The following C4BPB variants were observed in gnomAD, a reference collection of about 807,000 sequenced individuals.
C4BPB encodes the protein complement component 4 binding protein beta.
Under a neutral mutation model 26.6 loss-of-function variants are expected in C4BPB, and 19 were observed. The observed-to-expected ratio is 0.71, with a 90% CI of 0.50 to 1.05. The LOEUF (loss-of-function observed/expected upper bound fraction) is 1.05. C4BPB is among the 50% of genes least tolerant of loss of function. The pLI is 0.00. For missense variants in C4BPB, 282 were observed against 302.9 expected (o/e 0.93, Z 0.51); for synonymous variants, 118 against 103.5 (o/e 1.14, Z -0.85).
chr1:207,099,791 T>C lies in C4BPB; in HGVS notation c.621T>C (p.Leu207=). The C allele has an allele frequency of 6.2e-7, 1 of 1,608,432 alleles. No individual in the cohort carries two copies. Among genetic ancestry groups the C allele is most frequent in the South Asian group, 1.1e-5 (1 of 89,740 alleles). The part of the protein sequence containing the change: ...APKPECEKAL[L]AFQESKNLCE... ...TGTGAAAAATTTTCTTTCTTCAGCT[T>C]GCCTTTCAGGAGAGTAAGAACCTCT... Residue 207 remains leucine (L), a splice_region_variant and synonymous_variant, in exon 7 of 7, where the codon CTT becomes CTC. Transcript: ENST00000367078.
intron 2 of C4BPB, among the ~76,000 whole-genome samples, chr1:207,089,990 G>T (rs149066211): frequency 2.9e-3 from 443 of 152,286 alleles, no homozygotes; most frequent in African/African-American, 9.8e-3. Context: ...TCGGAATTCC[G>T]GCCGGGCGCA....
At chr1:207,095,871 C>G (rs1352149958) in intron 4 of C4BPB, 4 of 182,530 alleles carry the variant, frequency 2.2e-5, no homozygotes, top group Admixed American at 5.4e-5. Context: ...CTCTCTCGTT[C>G]CTGCACCTGT....
intron 5 of C4BPB, 95 bp from the exon 6 acceptor site, chr1:207,098,055 C>A: frequency 1.1e-6 from 1 of 919,784 alleles, no homozygotes; most frequent in South Asian, 1.5e-5. Context: ...GATTCCATCA[C>A]AGCATGAAAT....
intron 4 of C4BPB, chr1:207,095,031 T>C (rs929494746): frequency 3.8e-6 from 1 of 260,590 alleles, no homozygotes; most frequent in Non-Finnish European, 7.5e-6. Flanking sequence ...TACTCAACCA[T>C]TTGTTTAGAA....
At position 207,089,464 on chromosome 1, in the gene C4BPB, TA is replaced by T; in HGVS notation, c.-50-17del. 7.1e-7 allele frequency: 1 copy of T among 1,404,876 alleles called. No homozygotes were observed. The highest frequency in any genetic ancestry group is 1.0e-6 in the Non-Finnish European group (1 of 989,590). 87.0% of individuals were successfully genotyped at this position (1,404,876 alleles called of 1,614,324 possible). A position where few individuals can be genotyped will look rare whatever the true frequency, so the allele number is the denominator to read the frequency against. ...TGGTCTTAAGCAGTGTTAGAAGATC[TA>T]TTTTTTTTCAAACCAGGTGTCTGAG... On this transcript the variant is annotated splice_polypyrimidine_tract_variant and intron_variant, in intron 1 of 6. Coordinates refer to ENST00000367078, the MANE Select transcript of C4BPB (RefSeq NM_001017365.3).
Position 207,099,915 on chromosome 1 carries a change from G to C in C4BPB, c.745G>C (p.Ala249Pro), listed in dbSNP as rs781647739. The C allele has an allele frequency of 2.5e-6, 4 of 1,612,496 alleles. No individual in the cohort carries two copies. The African/African-American group carries it at 5.3e-5, about 22-fold the overall frequency. Residue 249 changes from alanine (A) to proline (P), a missense_variant, in exon 7 of 7, where the codon GCA becomes CCA. Coordinates refer to ENST00000367078, the MANE Select transcript of C4BPB (RefSeq NM_001017365.3). ...SLELKKAELK[A>P]KLL ...GGAGCTGAAGAAAGCTGAGTTGAAG[G>C]CAAAATTGTTGTAACACTACAGCTG...
intron 1 of C4BPB, 145 bp from the exon 2 acceptor site, chr1:207,089,337 C>T (rs1683926313): frequency 1.8e-6 from 1 of 551,968 alleles, no homozygotes; most frequent in African/African-American, 1.9e-5. Context: ...TACCAGCTTC[C>T]TTACAGCTGT....
Position 207,089,526 on chromosome 1 carries a change from C to A in C4BPB, c.-6C>A, listed in dbSNP as rs759321706. The A allele has an allele frequency of 2.5e-6, 4 of 1,613,734 alleles. No homozygotes were observed. The highest frequency in any genetic ancestry group is 8.5e-7 in the Non-Finnish European group (1 of 1,179,864). On this transcript the variant is annotated 5_prime_UTR_variant, in exon 2 of 7. Transcript: ENST00000367078. Reference sequence around the variant, plus strand: ...TCCAGCCTGGGGAGAGGACTTTGATCACCAGATGTTTTTTTGGTGTGCGTG... The same window carrying A: ...TCCAGCCTGGGGAGAGGACTTTGATAACCAGATGTTTTTTTGGTGTGCGTG...
Position 207,098,265 on chromosome 1 carries a change from G to C in C4BPB, c.618+1G>C, listed in dbSNP as rs778349715. On this transcript the variant is annotated splice_donor_variant, in intron 6 of 6. Transcript: ENST00000367078. LOFTEE classifies it high-confidence loss of function. ...CAAACCAGAGTGTGAGAAGGCACTT[G>C]TAAGTAGGAGGCTCATATCTGTCTT... 1.2e-5 allele frequency: 19 copies of C among 1,548,514 alleles called. No individual in the cohort carries two copies. The South Asian group carries it at 2.1e-4, about 17-fold the overall frequency.
chr1:207,098,739 C>A (rs544204512), intron 6 of C4BPB, among the ~76,000 whole-genome samples: 1 of 152,300 alleles, frequency 6.6e-6, no homozygotes, highest in Admixed American at 6.5e-5. Flanking sequence ...GAGCCCTGAG[C>A]TTGTTTTCCT....
chr1:207,096,755 C>T, intron 5 of C4BPB, 140 bp downstream of exon 5: 1 of 604,354 alleles, frequency 1.7e-6, no homozygotes, highest in Non-Finnish European at 2.9e-6. Context: ...TTGAGAGCTG[C>T]TTTGGCCCTC....
Position 207,089,484 on chromosome 1 carries a change from G to T in C4BPB, c.-48G>T, listed in dbSNP as rs778923199. On this transcript the variant is annotated splice_region_variant and 5_prime_UTR_variant, in exon 2 of 7. Transcript: ENST00000367078. ...AGATCTATTTTTTTTCAAACCAGGT[G>T]TCTGAGCTGGGTGAATTCCAGCCTG... 3.2e-6 allele frequency: 5 copies of T among 1,569,352 alleles called. No homozygotes were observed. In the South Asian group the frequency reaches 3.3e-5, roughly 10 times the overall value.
intron 5 of C4BPB, 108 bp downstream of exon 5, chr1:207,096,723 G>A (rs903384780): frequency 3.0e-6 from 2 of 659,968 alleles, no homozygotes; most frequent in Non-Finnish European, 5.3e-6. Context: ...TACTGCTGCA[G>A]GATTCTAAGC....
intron 4 of C4BPB, among the ~76,000 whole-genome samples, chr1:207,092,905 G>A (rs1684094662): frequency 1.3e-5 from 2 of 152,026 alleles, no homozygotes; most frequent in Admixed American, 6.6e-5. Flanking sequence ...GATTACAGGC[G>A]TGAGCCACCG....
chr1:207,098,289 T>C, intron 6 of C4BPB, 25 bp downstream of exon 6: 1 of 1,371,346 alleles, frequency 7.3e-7, no homozygotes, highest in Non-Finnish European at 1.0e-6. Flanking sequence ...CATATCTGTC[T>C]TGTTCACAGC....
At position 207,091,529 on chromosome 1, in the gene C4BPB, T is replaced by C. The variant is rs998291957; in HGVS notation, c.233-115T>C. The C allele has an allele frequency of 5.5e-6, 4 of 724,628 alleles. No homozygotes were observed. In the African/African-American group the frequency reaches 7.0e-5, roughly 13 times the overall value. 44.9% of individuals were successfully genotyped at this position (724,628 alleles called of 1,614,324 possible). ...ACCATGTACTTCACTCAATTAAAAA[T>C]GTGCAGTATTAACTCTAATTTGCTG... On this transcript the variant is annotated intron_variant, in intron 3 of 6. Coordinates refer to ENST00000367078, the MANE Select transcript of C4BPB (RefSeq NM_001017365.3).
At chr1:207,092,017 C>A in intron 4 of C4BPB, 197 bp downstream of exon 4, 1 of 528,888 alleles carries the variant, frequency 1.9e-6, no homozygotes, top group Non-Finnish European at 3.3e-6. Context: ...TTGCAATGAA[C>A]AGCATCCAAA....
intron 6 of C4BPB, among the ~76,000 whole-genome samples, chr1:207,099,285 A>G (rs1367231188): frequency 6.6e-6 from 1 of 152,176 alleles, no homozygotes; most frequent in Non-Finnish European, 1.5e-5. Flanking sequence ...ATCTAATGCC[A>G]CCTCTGACCT....
intron 4 of C4BPB, among the ~76,000 whole-genome samples, chr1:207,094,715 G>A (rs976036888): frequency 6.6e-6 from 1 of 152,046 alleles, no homozygotes; most frequent in Non-Finnish European, 1.5e-5. Flanking sequence ...CCAGAACTCT[G>A]GTGGACTGGA....
Sources: gnomAD v4.1 joint callset for allele counts (sites outside exome capture counted in the v4.1 genomes callset) on GRCh38, gnomAD v4.1.1 for gene constraint, MANE v1.5 for transcripts, NCBI Gene and HGNC (gene_info 2026-07-23, HGNC 2026-07-21) for gene names.